Variants in CACNA2D1 observed in about 807,000 individuals in gnomAD.
CACNA2D1 encodes the protein calcium voltage-gated channel auxiliary subunit alpha2delta 1, also known as voltage-dependent calcium channel subunit alpha-2/delta-1.
A neutral mutation model predicts 171.5 loss-of-function variants in CACNA2D1; 53 were observed. The observed-to-expected ratio is 0.31, with a 90% confidence interval of 0.25 to 0.39. CACNA2D1 has a LOEUF of 0.39. Among genes scored for constraint, CACNA2D1 ranks in the 10% least tolerant of loss-of-function variants. The pLI, the probability that CACNA2D1 is intolerant of heterozygous loss-of-function variation, is 1.00. For missense variants in CACNA2D1, 903 were observed against 1,299.8 expected (o/e 0.69, Z 4.69); for synonymous variants, 442 against 443.1 (o/e 1.00, Z 0.03).
rs868332707 is a variant in CACNA2D1, at chr7:82,074,861, A to G, written c.659-8337T>C. 2.8e-4 allele frequency among the ~76,000 whole-genome samples: 43 copies of G among 152,008 alleles called. 1 individual carries two copies. Among genetic ancestry groups the G allele is most frequent in the Middle Eastern group, 3.4e-3 (1 of 294 alleles). ...GAGTGACTTTGATATTTCCACTGTA[A>G]TATTTCCAGAATTTTTTTTTAATTA... On this transcript the variant is annotated intron_variant, in intron 7 of 38. Transcript: ENST00000356860.
intron 9 of CACNA2D1, among the ~76,000 whole-genome samples, chr7:82,061,605 C>T (rs555603282): frequency 7.2e-5 from 11 of 152,226 alleles, no homozygotes; most frequent in African/African-American, 2.6e-4. Context: ...TCTTCCTGCC[C>T]GCTGCACTAA....
intron 2 of CACNA2D1, among the ~76,000 whole-genome samples, chr7:82,344,483 T>C (rs1301354555): frequency 6.6e-6 from 1 of 152,222 alleles, no homozygotes; most frequent in Non-Finnish European, 1.5e-5. Flanking sequence ...AAAAACGTTT[T>C]AATATCTGTT....
chr7:82,423,690 T>C (rs1306281403), intron 1 of CACNA2D1, among the ~76,000 whole-genome samples: 3 of 152,184 alleles, frequency 2.0e-5, no homozygotes, highest in Non-Finnish European at 2.9e-5. Context: ...AGTGTTAAAG[T>C]AGAGCCTATC....
At chr7:82,329,653 T>G (rs1367664933) in intron 3 of CACNA2D1, among the ~76,000 whole-genome samples, 1 of 152,180 alleles carries the variant, frequency 6.6e-6, no homozygotes, top group Non-Finnish European at 1.5e-5. Flanking sequence ...TGTTAAATGA[T>G]TATATCTTTT....
intron 3 of CACNA2D1, among the ~76,000 whole-genome samples, chr7:82,305,781 A>C (rs1352959113): frequency 1.3e-5 from 2 of 151,848 alleles, no homozygotes; most frequent in Non-Finnish European, 2.9e-5. Flanking sequence ...CATCATATCT[A>C]TAGAGGGCAA....
rs766408010 is a variant in CACNA2D1 at position 81,974,561 on chromosome 7, A to C, written c.1956-9T>G. 1 of 1,380,098 alleles carries C rather than the reference A, an allele frequency of 7.2e-7. No homozygotes were observed. Among genetic ancestry groups the C allele is most frequent in the Non-Finnish European group, 1.0e-6 (1 of 971,854 alleles). The allele number at this position is 1,380,098 out of a possible 1,614,324, so 85.5% of individuals were successfully genotyped here. On this transcript the variant is annotated splice_polypyrimidine_tract_variant and intron_variant, in intron 24 of 38. Transcript: ENST00000356860. ...GGTCATTGCAGTAATCTCTGAAAAA[A>C]AAACATTTTGAGATATTAGATATTA...
intron 3 of CACNA2D1, among the ~76,000 whole-genome samples, chr7:82,239,637 A>G (rs888354024): frequency 6.6e-6 from 1 of 152,218 alleles, no homozygotes; most frequent in African/African-American, 2.4e-5. Flanking sequence ...AAAATATCAA[A>G]GCCCCTATCA....
At chr7:82,144,963 GAATA>G (rs2129094620) in intron 4 of CACNA2D1, among the ~76,000 whole-genome samples, 1 of 151,818 alleles carries the variant, frequency 6.6e-6, no homozygotes, top group South Asian at 2.1e-4. Flanking sequence ...TCTTTCATAC[GAATA>G]AATAAGCATT....
intron 4 of CACNA2D1, among the ~76,000 whole-genome samples, chr7:82,144,299 G>T (rs1439283749): frequency 1.3e-5 from 2 of 151,818 alleles, no homozygotes; most frequent in African/African-American, 4.8e-5. Flanking sequence ...ATTACTAATA[G>T]TATTATTTGC....
chr7:82,031,766 T>C (rs2131144186), intron 12 of CACNA2D1, among the ~76,000 whole-genome samples: 1 of 152,024 alleles, frequency 6.6e-6, no homozygotes, highest in African/African-American at 2.4e-5. Context: ...CATTTTTGTC[T>C]CGCTTTTCAA....
At chr7:82,019,807 C>G (rs1456630545) in intron 12 of CACNA2D1, among the ~76,000 whole-genome samples, 4 of 152,004 alleles carry the variant, frequency 2.6e-5, no homozygotes, top group African/African-American at 9.7e-5. Context: ...GGAAATTAGT[C>G]TATGAAGAAA....
intron 8 of CACNA2D1, among the ~76,000 whole-genome samples, chr7:82,064,583 G>T (rs1196952865): frequency 1.3e-5 from 2 of 151,948 alleles, no homozygotes; most frequent in Admixed American, 1.3e-4. Context: ...AACATTTTTT[G>T]ATATTTATAA....
chr7:82,366,970 G>T (rs967493256), intron 1 of CACNA2D1, among the ~76,000 whole-genome samples: 3 of 137,702 alleles, frequency 2.2e-5, no homozygotes, highest in African/African-American at 8.1e-5. Flanking sequence ...GCAGTGGCAT[G>T]AAAAGGGCTT....
Position 82,012,239 on chromosome 7 carries a change from T to C in CACNA2D1, c.1277A>G (p.Tyr426Cys). ...CATTGGTCTTCCCAAAACATCCAAA[T>C]ATTCCTGTTTATGGGAAAAAAAAAA... ...IGAIRINTQEYLDVLGRPMVL... is the reference protein window; with the variant it reads ...IGAIRINTQECLDVLGRPMVL... Residue 426 changes from tyrosine to cysteine, a missense_variant, in exon 15 of 39, where the codon TAT becomes TGT. By Grantham distance (194) the Tyr-to-Cys change is radical. This residue lies in a region of CACNA2D1 where 623 missense variants were observed against 925.5 expected (regional missense o/e 0.67). Coordinates refer to ENST00000356860, the MANE Select transcript of CACNA2D1 (RefSeq NM_000722.4). 6.4e-7 allele frequency: 1 copy of C among 1,556,988 alleles called. No homozygotes were observed. Among genetic ancestry groups the C allele is most frequent in the Non-Finnish European group, 8.8e-7 (1 of 1,138,252 alleles).
chr7:82,347,037 T>C (rs1471623715), intron 2 of CACNA2D1, among the ~76,000 whole-genome samples: 2 of 152,172 alleles, frequency 1.3e-5, no homozygotes, highest in Non-Finnish European at 2.9e-5. Flanking sequence ...TCCAAATGGT[T>C]CAGTAATGGA....
chr7:82,078,400 G>A (rs1189736864), intron 7 of CACNA2D1, among the ~76,000 whole-genome samples: 1 of 152,114 alleles, frequency 6.6e-6, no homozygotes, highest in African/African-American at 2.4e-5. Context: ...GATATTAACA[G>A]GTGAAATGAC....
Position 82,117,147 on chromosome 7 carries a change from G to A in CACNA2D1, c.423C>T (p.Gly141=), listed in dbSNP as rs1298831082. The change falls in exon 6 of 39, where the codon GGC becomes GGT. Residue 141 remains glycine, a synonymous_variant. Coordinates refer to ENST00000356860, the MANE Select transcript of CACNA2D1 (RefSeq NM_000722.4). ...LDPEKNDSEP[G]SQRIKPVFIE... ...TGAAAACAGGTTTTATCCTCTGGCT[G>A]CCTGGCTCACTGTCATTTTTCTCAG... 1 of 1,613,740 alleles carries A rather than the reference G, an allele frequency of 6.2e-7. No individual in the cohort carries two copies. The highest frequency in any genetic ancestry group is 8.5e-7 in the Non-Finnish European group (1 of 1,179,808).
intron 4 of CACNA2D1, among the ~76,000 whole-genome samples, chr7:82,139,129 C>T (rs770076818): frequency 1.6e-4 from 24 of 152,120 alleles, no homozygotes; most frequent in Non-Finnish European, 3.1e-4. Context: ...AACCTATCAA[C>T]TCCTACTCTT....
intron 10 of CACNA2D1, among the ~76,000 whole-genome samples, chr7:82,043,969 G>A (rs1804250205): frequency 6.6e-6 from 1 of 152,282 alleles, no homozygotes; most frequent in African/African-American, 2.4e-5. Context: ...ACATTCTTAA[G>A]GTCACATATT....
Sources: allele counts gnomAD v4.1 joint callset (sites outside exome capture counted in the v4.1 genomes callset), GRCh38; gene constraint gnomAD v4.1.1; regional missense constraint gnomAD v4.1.1; transcripts MANE v1.5; gene names NCBI Gene and HGNC (gene_info 2026-07-23, HGNC 2026-07-21).